Variants in NXNL2 observed in about 807,000 individuals in gnomAD.
NXNL2 encodes nucleoredoxin like 2.
In NXNL2, 7 loss-of-function variants were observed where a neutral mutation model predicts 11.1. The observed-to-expected ratio is 0.63, with a 90% confidence interval of 0.36 to 1.18. NXNL2 has a LOEUF of 1.18. NXNL2 is among the 50% of genes most tolerant of loss of function. The pLI, the probability that NXNL2 is intolerant of heterozygous loss-of-function variation, is 0.02. For missense variants in NXNL2, 233 were observed against 217.7 expected (o/e 1.07, Z -0.44); for synonymous variants, 109 against 101.8 (o/e 1.07, Z -0.42).
chr9:88,571,393 C>T (rs963311549), intron 2 of NXNL2, among the ~76,000 whole-genome samples: 3 of 152,152 alleles, frequency 2.0e-5, no homozygotes, highest in South Asian at 2.1e-4. Flanking sequence ...TTCAAATGAT[C>T]AGAGCTTGGA....
intron 1 of NXNL2, among the ~76,000 whole-genome samples, chr9:88,543,284 T>TTC (rs1829795719): frequency 6.6e-6 from 1 of 150,378 alleles, no homozygotes; most frequent in Non-Finnish European, 1.5e-5. Context: ...TTTTTTTTTT[T>TTC]TCCTTAGAAA....
intron 1 of NXNL2, among the ~76,000 whole-genome samples, chr9:88,539,523 G>A (rs1230961719): frequency 5.9e-5 from 9 of 152,178 alleles, no homozygotes; most frequent in South Asian, 2.1e-4. Context: ...TGGAAGTGAC[G>A]TGTGCGAGCC....
At chr9:88,569,049 C>G (rs1294094271) in intron 1 of NXNL2, among the ~76,000 whole-genome samples, 2 of 152,158 alleles carry the variant, frequency 1.3e-5, no homozygotes, top group East Asian at 3.9e-4. Flanking sequence ...ACTTCAGCCT[C>G]CTGAGTAGCT....
At chr9:88,542,197 C>T (rs1407173101) in intron 1 of NXNL2, among the ~76,000 whole-genome samples, 1 of 151,898 alleles carries the variant, frequency 6.6e-6, no homozygotes, top group African/African-American at 2.4e-5. Context: ...TGCGTCACTG[C>T]ACTCCAGCCT....
At chr9:88,556,512 T>C (rs1180712172) in intron 1 of NXNL2, among the ~76,000 whole-genome samples, 1 of 152,114 alleles carries the variant, frequency 6.6e-6, no homozygotes, top group Non-Finnish European at 1.5e-5. Flanking sequence ...TTTCATGGGC[T>C]CAGAATGGGG....
chr9:88,543,415 T>C (rs1051361657), intron 1 of NXNL2, among the ~76,000 whole-genome samples: 8 of 151,980 alleles, frequency 5.3e-5, no homozygotes, highest in African/African-American at 1.7e-4. Context: ...TATAGGTGCA[T>C]GCTACCACGC....
In NXNL2 at chr9:88,544,707, A is replaced by T. The variant is rs910511586; in HGVS notation, c.*160A>T. On this transcript the variant is annotated 3_prime_UTR_variant, in exon 2 of 2. Transcript: ENST00000375854. ...GGTCAAAAAGCAACTATTGCTCAGGAAATAATACACTCCATATTTTGATCA... is the reference window on the plus strand; with the variant it reads ...GGTCAAAAAGCAACTATTGCTCAGGTAATAATACACTCCATATTTTGATCA... 1 of 1,404,350 alleles carries T rather than the reference A, an allele frequency of 7.1e-7. No homozygotes were observed. The allele number at this position is 1,404,350 out of a possible 1,614,324, so 87.0% of individuals were successfully genotyped here.
At chr9:88,559,016 C>A (rs1587849941) in intron 1 of NXNL2, among the ~76,000 whole-genome samples, 2 of 152,110 alleles carry the variant, frequency 1.3e-5, no homozygotes, top group Admixed American at 6.5e-5. Flanking sequence ...CCATGCTGAG[C>A]AAATAGATGT....
chr9:88,554,620 G>T (rs1829986922), intron 1 of NXNL2, among the ~76,000 whole-genome samples: 1 of 152,144 alleles, frequency 6.6e-6, no homozygotes, highest in African/African-American at 2.4e-5. Flanking sequence ...GTTGAACCAA[G>T]AATTATATGT....
chr9:88,560,807 T>C (rs1335265463), intron 1 of NXNL2, among the ~76,000 whole-genome samples: 2 of 152,104 alleles, frequency 1.3e-5, no homozygotes, highest in African/African-American at 4.8e-5. Flanking sequence ...AACGTCACTA[T>C]AGGTTCTCAT....
intron 1 of NXNL2, among the ~76,000 whole-genome samples, chr9:88,563,532 C>G (rs17054224): frequency 2.0e-5 from 3 of 152,154 alleles, no homozygotes; most frequent in Non-Finnish European, 4.4e-5. Context: ...GTGGGCTCTC[C>G]GCTGGATTCC....
At chr9:88,575,808 A>G (rs1310893209), downstream of NXNL2, 1 of 152,252 alleles carries the variant, frequency 6.6e-6, no homozygotes, top group Non-Finnish European at 1.5e-5. Context: ...CCGATTCTTC[A>G]TTATGTGATT....
chr9:88,582,161 A>G (rs186247284), intron 1 of NXNL2, among the ~76,000 whole-genome samples: 1 of 152,272 alleles, frequency 6.6e-6, no homozygotes, highest in Non-Finnish European at 1.5e-5. Context: ...TTTGTTTGGG[A>G]AGGGGAGGAT....
chr9:88,555,354 T>G (rs999608578), intron 1 of NXNL2, among the ~76,000 whole-genome samples: 1 of 152,176 alleles, frequency 6.6e-6, no homozygotes, highest in Admixed American at 6.5e-5. Flanking sequence ...TTCCTCCTCT[T>G]TTTGGACCAT....
chr9:88,552,473 G>GGTTTTGTTTT (rs796387920), intron 1 of NXNL2, among the ~76,000 whole-genome samples: 9 of 131,566 alleles, frequency 6.8e-5, no homozygotes, highest in African/African-American at 2.0e-4. Flanking sequence ...AAACATGCAT[G>GGTTTTGTTTT]TTTTTTTTTT....
downstream of NXNL2, among the ~76,000 whole-genome samples, chr9:88,548,948 C>G (rs1179667283): frequency 6.6e-6 from 1 of 152,138 alleles, no homozygotes; most frequent in East Asian, 1.9e-4. Flanking sequence ...ACACAGTGAG[C>G]AGATGCCATC....
At chr9:88,542,006 G>A (rs981903810) in intron 1 of NXNL2, among the ~76,000 whole-genome samples, 16 of 151,888 alleles carry the variant, frequency 1.1e-4, no homozygotes, top group Non-Finnish European at 1.9e-4. Context: ...CGAGGTAGGC[G>A]GATCACGAGG....
exon 3 of NXNL2, chr9:88,575,293 A>G: frequency 3.2e-6 from 1 of 308,538 alleles, no homozygotes. Flanking sequence ...TTGAAGAGGT[A>G]TCTGCACCCC....
intron 1 of NXNL2, among the ~76,000 whole-genome samples, chr9:88,542,850 C>T (rs1019809624): frequency 3.3e-5 from 5 of 152,072 alleles, no homozygotes; most frequent in East Asian, 1.9e-4. Flanking sequence ...ACTTGAGGGA[C>T]GTGTCAAAGG....
Sources: gnomAD v4.1 joint callset for allele counts (sites outside exome capture counted in the v4.1 genomes callset) on GRCh38, gnomAD v4.1.1 for gene constraint, MANE v1.5 for transcripts, NCBI Gene and HGNC (gene_info 2026-07-23, HGNC 2026-07-21) for gene names.